The following ZNF420 variants were observed in gnomAD, a reference collection of about 807,000 sequenced individuals.
ZNF420 encodes the protein zinc finger protein 420, also known as ATM and p53-associated KZNF protein.
In ZNF420, 31 loss-of-function variants were observed where a neutral mutation model predicts 44.7. The observed-to-expected ratio is 0.69, with a 90% CI of 0.52 to 0.94. The LOEUF is 0.94. Among genes scored for constraint, ZNF420 ranks in the 40% least tolerant of loss-of-function variants. The probability of loss-of-function intolerance (pLI) is 0.00; values close to 1 mark genes in which losing one functional copy is unlikely to be tolerated. For missense variants in ZNF420, 681 were observed against 827.9 expected, an observed-to-expected ratio of 0.82 and a Z score of 2.18; for synonymous variants, 245 against 267.4, an observed-to-expected ratio of 0.92 and a Z score of 0.82.
At chr19:37,105,483 T>C (rs975435568) in intron 4 of ZNF420, among the ~76,000 whole-genome samples, 15 of 78,018 alleles carry the variant, frequency 1.9e-4, no homozygotes, top group Non-Finnish European at 3.0e-4. Context: ...GCAATGCGGG[T>C]TCTTTTTTGG....
rs759105586 is a variant in ZNF420, at chr19:37,129,992, T to C, written c.*934T>C. Reference sequence around the variant, plus strand: ...GACTGCTTTTTTCCTACCCTATATCTATTTTCTCTTTTTTAGTAACAAATT... The same window carrying C: ...GACTGCTTTTTTCCTACCCTATATCCATTTTCTCTTTTTTAGTAACAAATT... On this transcript the variant is annotated 3_prime_UTR_variant, in exon 5 of 5. Transcript: ENST00000337995. 1.9e-5 allele frequency: 28 copies of C among 1,502,748 alleles called. No homozygotes were observed. 93.1% of individuals were successfully genotyped at this position (1,502,748 alleles called of 1,614,324 possible). A position where few individuals can be genotyped will look rare whatever the true frequency, so the allele number is the denominator to read the frequency against.
chr19:37,027,979 T>C (rs112380313), intron 1 of ZNF420, among the ~76,000 whole-genome samples: 36,512 of 152,096 alleles, frequency 0.24, 5,048 homozygotes, highest in Non-Finnish European at 0.32. Context: ...TAATCATATG[T>C]TTAGTTTTGC....
intron 1 of ZNF420, among the ~76,000 whole-genome samples, chr19:37,068,640 C>CA (rs1968009064): frequency 6.6e-6 from 1 of 151,464 alleles, no homozygotes; most frequent in Admixed American, 6.6e-5. Flanking sequence ...AACTCTGTCT[C>CA]AAAATAAATA....
rs1971387967 is a variant in ZNF420 at position 37,127,110 on chromosome 19, TTC to T, written c.137-12_137-11del. On this transcript the variant is annotated splice_polypyrimidine_tract_variant and intron_variant, in intron 4 of 4. Coordinates refer to ENST00000337995, the MANE Select transcript of ZNF420 (RefSeq NM_144689.5). ...GAAGTTATATTTCTCAATTTTTTTATTCTCTCTTATCTTTCAGACTTGCCTTC... is the reference window on the plus strand; with the variant it reads ...GAAGTTATATTTCTCAATTTTTTTATTCTCTTATCTTTCAGACTTGCCTTC... 7 of 1,441,084 alleles carry T rather than the reference TTC, an allele frequency of 4.9e-6. No homozygotes were observed. The highest frequency in any genetic ancestry group is 1.4e-5 in the African/African-American group (1 of 70,038). 89.3% of individuals were successfully genotyped at this position (1,441,084 alleles called of 1,614,324 possible). A position where few individuals can be genotyped will look rare whatever the true frequency, so the allele number is the denominator to read the frequency against.
At chr19:37,062,903 G>T (rs1967901654) in intron 1 of ZNF420, among the ~76,000 whole-genome samples, 1 of 152,142 alleles carries the variant, frequency 6.6e-6, no homozygotes, top group Non-Finnish European at 1.5e-5. Context: ...GAGGAACTTT[G>T]TGGGGAAATA....
intron 2 of ZNF420, among the ~76,000 whole-genome samples, chr19:37,083,675 G>C (rs887656583): frequency 2.6e-5 from 4 of 152,110 alleles, no homozygotes; most frequent in Admixed American, 1.3e-4. Context: ...GACCCCAGTA[G>C]TCTTTGGCAG....
chr19:37,096,421 C>G (rs1342987625), intron 4 of ZNF420, among the ~76,000 whole-genome samples: 5 of 152,094 alleles, frequency 3.3e-5, no homozygotes, highest in Non-Finnish European at 5.9e-5. Context: ...TTTGAGAGTC[C>G]AGGCCAAGAC....
Position 37,080,815 on chromosome 19 carries a change from G to A in ZNF420, c.-81+427G>A, listed in dbSNP as rs563613000. On this transcript the variant is annotated intron_variant, in intron 2 of 4. Coordinates refer to ENST00000337995, the MANE Select transcript of ZNF420 (RefSeq NM_144689.5). ...CTCATGCCTATAATCCCAGCACTTT[G>A]GGAGGCCGAGGCGGATGGAACGAGG... Among the ~76,000 whole-genome samples, 53 of 152,160 alleles carry A rather than the reference G, an allele frequency of 3.5e-4. 1 individual carries two copies. Among genetic ancestry groups the A allele is most frequent in the African/African-American group, 1.2e-3 (51 of 41,518 alleles).
rs568430904 is a variant in ZNF420, at chr19:37,019,980, G to A, written c.-125+11898G>A. On this transcript the variant is annotated intron_variant, in intron 1 of 4. Coordinates refer to the ZNF420 transcript ENST00000587029. ...CGCCTGTAATCTCAGCACTTTGGGA[G>A]GCTGAGGAGGGCGGATCATAAGGTC... Among the ~76,000 whole-genome samples the A allele has an allele frequency of 2.2e-3, 338 of 152,192 alleles. 1 individual carries two copies. Among genetic ancestry groups the A allele is most frequent in the Non-Finnish European group, 3.4e-3 (229 of 68,000 alleles).
At chr19:37,109,705 AAC>A (rs1268656479) in intron 4 of ZNF420, 1 of 152,188 alleles carries the variant, frequency 6.6e-6, no homozygotes, top group East Asian at 1.9e-4. Context: ...CTCCTGGTGA[AAC>A]ACAAGCAAAA....
intron 1 of ZNF420, among the ~76,000 whole-genome samples, chr19:37,048,225 A>T (rs911600761): frequency 6.6e-6 from 1 of 152,226 alleles, no homozygotes; most frequent in Non-Finnish European, 1.5e-5. Context: ...AAAATTTTTT[A>T]AATATAATTT....
intron 4 of ZNF420, among the ~76,000 whole-genome samples, chr19:37,122,935 A>G (rs1439377519): frequency 6.6e-6 from 1 of 152,210 alleles, no homozygotes; most frequent in Non-Finnish European, 1.5e-5. Flanking sequence ...GAACATCTTC[A>G]TTTGATATCT....
intron 4 of ZNF420, among the ~76,000 whole-genome samples, chr19:37,117,295 C>T (rs535517923): frequency 3.3e-5 from 5 of 150,928 alleles, no homozygotes; most frequent in Admixed American, 1.3e-4. Context: ...TTGCGGTTCA[C>T]GAAAATCGGC....
At chr19:37,093,947 G>A (rs1013777208) in intron 4 of ZNF420, among the ~76,000 whole-genome samples, 1 of 152,048 alleles carries the variant, frequency 6.6e-6, no homozygotes, top group African/African-American at 2.4e-5. Flanking sequence ...CATCTCAGTG[G>A]GTATACTAAA....
chr19:37,123,532 C>T (rs1268003073), intron 4 of ZNF420, among the ~76,000 whole-genome samples: 1 of 151,728 alleles, frequency 6.6e-6, no homozygotes, highest in East Asian at 1.9e-4. Context: ...AGCATGTTCA[C>T]CTCTCCAGTT....
intron 2 of ZNF420, among the ~76,000 whole-genome samples, chr19:37,087,282 CAA>C (rs199903253): frequency 4.1e-5 from 5 of 121,458 alleles, no homozygotes; most frequent in African/African-American, 9.3e-5. Context: ...GACCCTGTCT[CAA>C]AAAAAAAAAT....
chr19:37,087,347 C>G (rs1968876198), intron 2 of ZNF420, among the ~76,000 whole-genome samples: 2 of 150,256 alleles, frequency 1.3e-5, no homozygotes, highest in South Asian at 4.2e-4. Flanking sequence ...AAATTAAGAG[C>G]TTGGCACTTT....
intron 1 of ZNF420, among the ~76,000 whole-genome samples, chr19:37,079,222 C>G (rs1968291611): frequency 6.6e-6 from 1 of 152,144 alleles, no homozygotes; most frequent in South Asian, 2.1e-4. Context: ...AACAATGTAG[C>G]ATAATTGGGT....
At chr19:37,010,565 TGTGA>T (rs144155126) in intron 1 of ZNF420, among the ~76,000 whole-genome samples, 1,993 of 152,164 alleles carry the variant, frequency 0.013, 45 homozygotes, top group African/African-American at 0.045. Context: ...TCTCTCTGTC[TGTGA>T]GTGTGTGTGC....
Sources: gnomAD v4.1 joint callset for allele counts (sites outside exome capture counted in the v4.1 genomes callset) on GRCh38, gnomAD v4.1.1 for gene constraint, MANE v1.5 for transcripts, NCBI Gene and HGNC (gene_info 2026-07-23, HGNC 2026-07-21) for gene names.